ARL13A: variants seen among roughly 807,000 people sequenced by gnomAD.
ARL13A encodes ADP-ribosylation factor-like protein 13A.
Under a neutral mutation model 19.1 loss-of-function variants are expected in ARL13A, and 16 were observed. That is an observed-to-expected ratio of 0.84 (90% confidence interval 0.57 to 1.27). The LOEUF (loss-of-function observed/expected upper bound fraction) is 1.27, where lower values mean the gene tolerates loss of function less well. Ranked by LOEUF, ARL13A falls within the 50% of genes most tolerant of loss-of-function variation. The probability of loss-of-function intolerance (pLI) is 0.00; values close to 1 mark genes in which losing one functional copy is unlikely to be tolerated. For synonymous variants in ARL13A, 69 were observed against 71.3 expected (o/e 0.97, Z 0.17); for missense variants, 153 against 186.4 (o/e 0.82, Z 1.04).
In ARL13A at chrX:100,980,425, G is replaced by A. The variant is rs189858095; in HGVS notation, c.131-5242G>A. ...TACCACCAATGTTTATTCAAGGCCC[G>A]AGGGCTCTTTAGTCTGCAGGCAGTG... On this transcript the variant is annotated intron_variant, in intron 3 of 7. Coordinates refer to ENST00000450049, the MANE Select transcript of ARL13A (RefSeq NM_001162491.2). 2.7e-3 allele frequency among the ~76,000 whole-genome samples: 300 copies of A among 109,843 alleles called. 1 individual carries two copies. Among genetic ancestry groups the A allele is most frequent in the African/African-American group, 9.2e-3 (277 of 30,241 alleles).
rs1602467056 is a variant in ARL13A, at chrX:100,986,944, C to T, written c.486+43C>T. 4.2e-6 allele frequency: 4 copies of T among 948,639 alleles called. No homozygotes were observed. The East Asian group carries it at 1.3e-4, about 30-fold the overall frequency. The allele number at this position is 948,639 out of a possible 1,213,427, so 78.2% of individuals were successfully genotyped here. On this transcript the variant is annotated intron_variant, in intron 5 of 7. Coordinates refer to ENST00000450049, the MANE Select transcript of ARL13A (RefSeq NM_001162491.2). Reference sequence around the variant, plus strand: ...CCTTCCCTCTTCCTCTGGAGCCCAGCTGATGCAGCCCTTGGCCCATTCTAT... The same window carrying T: ...CCTTCCCTCTTCCTCTGGAGCCCAGTTGATGCAGCCCTTGGCCCATTCTAT...
intron 1 of ARL13A, among the ~76,000 whole-genome samples, chrX:100,970,870 G>A (rs1469189850): frequency 8.9e-6 from 1 of 111,829 alleles, no homozygotes; most frequent in Non-Finnish European, 1.9e-5. Context: ...ATTACTGGTG[G>A]GAATGTAAGA....
intron 7 of ARL13A, among the ~76,000 whole-genome samples, chrX:100,988,865 TATA>T (rs2085979047): frequency 1.0e-5 from 1 of 99,377 alleles, no homozygotes; most frequent in South Asian, 4.5e-4. Context: ...TATATATATA[TATA>T]TATATATATA....
At chrX:100,983,935 A>T (rs1311347980) in intron 3 of ARL13A, among the ~76,000 whole-genome samples, 2 of 111,407 alleles carry the variant, frequency 1.8e-5, no homozygotes, top group Admixed American at 1.9e-4. Flanking sequence ...ATGCAGATCT[A>T]AGACTACAAA....
chrX:100,976,902 C>T (rs2085771369), intron 3 of ARL13A, among the ~76,000 whole-genome samples: 1 of 112,530 alleles, frequency 8.9e-6, no homozygotes, highest in South Asian at 3.6e-4. Flanking sequence ...CCAGCTGCTG[C>T]GAATGTTTTT....
intron 3 of ARL13A, among the ~76,000 whole-genome samples, chrX:100,976,844 C>T (rs986196352): frequency 4.4e-5 from 5 of 112,459 alleles, no homozygotes; most frequent in South Asian, 3.7e-4. Context: ...GTGATCCACC[C>T]GCCTTGGCCT....
chrX:100,982,887 T>C (rs2085881880), intron 3 of ARL13A, among the ~76,000 whole-genome samples: 1 of 110,593 alleles, frequency 9.0e-6, no homozygotes, highest in South Asian at 3.9e-4. Flanking sequence ...TCTAGAGTAG[T>C]GGTACTCAAG....
chrX:100,989,298 G>A (rs2147977903), intron 7 of ARL13A, among the ~76,000 whole-genome samples: 1 of 111,321 alleles, frequency 9.0e-6, no homozygotes, highest in East Asian at 2.8e-4. Context: ...CTTTCCTTTG[G>A]ATTTTTGTTT....
intron 1 of ARL13A, among the ~76,000 whole-genome samples, chrX:100,972,271 G>C (rs1305245344): frequency 9.8e-6 from 1 of 101,577 alleles, no homozygotes; most frequent in Non-Finnish European, 2.0e-5. Flanking sequence ...GGTGGTGGCC[G>C]GGCAGAGGGG....
At chrX:100,989,479 G>A (rs1302678972) in intron 7 of ARL13A, among the ~76,000 whole-genome samples, 8 of 109,473 alleles carry the variant, frequency 7.3e-5, no homozygotes, top group East Asian at 2.9e-4. Context: ...GCATGGTGGC[G>A]GACGCCTGTA....
At chrX:100,972,526 C>T (rs1481220980) in intron 1 of ARL13A, among the ~76,000 whole-genome samples, 9 of 78,195 alleles carry the variant, frequency 1.2e-4, no homozygotes, top group African/African-American at 2.0e-4. Flanking sequence ...GGCGGCTGGC[C>T]GGGCGGGGGA....
chrX:100,974,252 C>G (rs900138811), intron 3 of ARL13A, 55 bp downstream of exon 3: 1 of 929,498 alleles, frequency 1.1e-6, no homozygotes, highest in Non-Finnish European at 1.5e-6. Flanking sequence ...ACCCCAGAAT[C>G]CAGTGAAATA....
chrX:100,971,353 G>A (rs191569845), intron 1 of ARL13A, among the ~76,000 whole-genome samples: 3,967 of 106,840 alleles, frequency 0.037, 84 homozygotes, highest in Middle Eastern at 0.085. Context: ...CGATAGGTCC[G>A]TCTAGAAGCC....
At chrX:100,981,718 A>T (rs1206795811) in intron 3 of ARL13A, among the ~76,000 whole-genome samples, 1 of 108,306 alleles carries the variant, frequency 9.2e-6, no homozygotes, top group Non-Finnish European at 1.9e-5. Context: ...CTAAGGTGGG[A>T]GGATCACTTG....
intron 4 of ARL13A, 136 bp downstream of exon 4, chrX:100,986,052 C>A: frequency 9.2e-6 from 7 of 762,498 alleles, no homozygotes; most frequent in Non-Finnish European, 1.3e-5. Flanking sequence ...GGTAGAGCGG[C>A]CCAATTTTCT....
chrX:100,976,866 G>A (rs1451753981), intron 3 of ARL13A, among the ~76,000 whole-genome samples: 4 of 112,609 alleles, frequency 3.6e-5, no homozygotes, highest in Non-Finnish European at 7.5e-5. Flanking sequence ...CCAAAGTGGT[G>A]GGATTACAGG....
At chrX:100,976,115 G>A (rs1304441129) in intron 3 of ARL13A, among the ~76,000 whole-genome samples, 2 of 110,024 alleles carry the variant, frequency 1.8e-5, no homozygotes, top group East Asian at 2.8e-4. Context: ...GAAAAATCCA[G>A]GAGCCAGCAA....
rs764140420 is a variant in ARL13A, at chrX:100,979,243, C to T, written c.130+5046C>T. 1.2e-4 allele frequency among the ~76,000 whole-genome samples: 13 copies of T among 111,723 alleles called. No homozygotes were observed. In the South Asian group the frequency reaches 4.8e-3, roughly 42 times the overall value. ...GGGGTTTTATACCTTCAGGTGATTT[C>T]TTATTGCTCATTAACATCCTTTTCT... On this transcript the variant is annotated intron_variant, in intron 3 of 7. Transcript: ENST00000450049.
chrX:100,990,709 T>C lies in ARL13A; in HGVS notation c.*121T>C. 1 of 744,961 alleles carries C rather than the reference T, an allele frequency of 1.3e-6. No individual in the cohort carries two copies. The highest frequency in any genetic ancestry group is 2.0e-6 in the Non-Finnish European group (1 of 504,485). The allele number at this position is 744,961 out of a possible 1,213,427, so 61.4% of individuals were successfully genotyped here. The stretch of plus-strand genomic sequence containing the variant: ...GACAAAGCTTGTGGACAATAAGTCA[T>C]GGGTGATCAACCAAAACTGAGCCTT... On this transcript the variant is annotated 3_prime_UTR_variant, in exon 8 of 8. Transcript: ENST00000450049.
Sources: allele counts gnomAD v4.1 joint callset (sites outside exome capture counted in the v4.1 genomes callset), GRCh38; gene constraint gnomAD v4.1.1; transcripts MANE v1.5; gene names NCBI Gene and HGNC (gene_info 2026-07-23, HGNC 2026-07-21).